The following TLDC2 variants were observed in gnomAD, a reference collection of about 807,000 sequenced individuals.
The protein encoded by TLDC2 is TLD domain-containing protein 2.
In TLDC2, 23 loss-of-function variants were observed where a neutral mutation model predicts 27.9. The ratio of observed to expected loss-of-function variants is 0.82; its 90% CI spans 0.59 to 1.17. TLDC2 has a LOEUF of 1.17. TLDC2 is among the 50% of genes most tolerant of loss of function. TLDC2 has a pLI of 0.00. For synonymous variants in TLDC2, 124 were observed against 107.4 expected (o/e 1.16, Z -0.96); for missense variants, 286 against 273.4 (o/e 1.05, Z -0.32).
chr20:36,887,021 C>A (rs1376277131), intron 4 of TLDC2, among the ~76,000 whole-genome samples: 1 of 151,978 alleles, frequency 6.6e-6, no homozygotes, highest in African/African-American at 2.4e-5. Flanking sequence ...ATAGAAATGG[C>A]GGCAGGCCCG....
chr20:36,881,157 T>C (rs1015018243), intron 4 of TLDC2, among the ~76,000 whole-genome samples: 21 of 151,998 alleles, frequency 1.4e-4, no homozygotes, highest in Admixed American at 1.3e-3. Context: ...CGAAGGTGGA[T>C]TGCTTGAGTC....
chr20:36,889,517 T>G, intron 6 of TLDC2, 114 bp downstream of exon 6: 1 of 1,324,650 alleles, frequency 7.5e-7, no homozygotes, highest in Non-Finnish European at 1.0e-6. Flanking sequence ...CTGGCCAGCC[T>G]CCTTGTGGCC....
rs1036856658 is a variant in TLDC2 at position 36,877,113 on chromosome 20, C to T, written c.34-786C>T. On this transcript the variant is annotated intron_variant, in intron 1 of 6. Coordinates refer to ENST00000217320, the MANE Select transcript of TLDC2 (RefSeq NM_080628.3). ...GAAGAAATACACAGAAGGCCAGGCG[C>T]GGTGGCTCACGCCTGTAATCCCAGC... Among the ~76,000 whole-genome samples the T allele has an allele frequency of 4.6e-5, 7 of 152,090 alleles. No individual in the cohort carries two copies. The South Asian group carries it at 1.5e-3, about 32-fold the overall frequency.
At chr20:36,880,608 G>A in intron 3 of TLDC2, 47 bp from the exon 4 acceptor site, 1 of 1,523,984 alleles carries the variant, frequency 6.6e-7, no homozygotes, top group Non-Finnish European at 9.1e-7. Context: ...GTTGCCAGAG[G>A]ACCCCTAGCT....
At position 36,889,448 on chromosome 20, in the gene TLDC2, C is replaced by T; in HGVS notation, c.*17+45C>T. 1.3e-6 allele frequency: 2 copies of T among 1,581,422 alleles called. 1 individual carries two copies. Among genetic ancestry groups the T allele is most frequent in the South Asian group, 2.3e-5 (2 of 87,536 alleles). On this transcript the variant is annotated intron_variant, in intron 6 of 6. Transcript: ENST00000217320. ...ATGCCACCCAGGCCTTCCTGACACA[C>T]AGCAGCCTGTGCTGTTTGAAACACA...
intron 4 of TLDC2, among the ~76,000 whole-genome samples, chr20:36,884,077 G>A (rs1027916381): frequency 1.7e-4 from 26 of 152,074 alleles, no homozygotes; most frequent in Non-Finnish European, 2.9e-4. Context: ...CAGGGTGACA[G>A]AGTGAGACTC....
chr20:36,878,006 C>G lies in TLDC2; in HGVS notation c.141C>G (p.Pro47=), dbSNP rs776865937. 6.2e-7 allele frequency: 1 copy of G among 1,614,074 alleles called. No homozygotes were observed. The highest frequency in any genetic ancestry group is 8.5e-7 in the Non-Finnish European group (1 of 1,179,986). The change falls in exon 2 of 7, where the codon CCC becomes CCG. Residue 47 remains proline (P), a synonymous_variant. Transcript: ENST00000217320. ...PAAAPEDPTV[P]QLTEASQVLS... ...CTGCTCCTGAGGATCCCACGGTGCC[C>G]CAGCTGACAGAAGCCAGCCAGGTTT...
intron 4 of TLDC2, among the ~76,000 whole-genome samples, chr20:36,887,160 T>C (rs1336569376): frequency 6.6e-6 from 1 of 152,160 alleles, no homozygotes; most frequent in Non-Finnish European, 1.5e-5. Flanking sequence ...TGGCCTGGAC[T>C]GCTCCCCTCC....
intron 1 of TLDC2, among the ~76,000 whole-genome samples, chr20:36,876,990 C>T (rs1252265513): frequency 1.3e-5 from 2 of 152,186 alleles, no homozygotes; most frequent in Non-Finnish European, 2.9e-5. Flanking sequence ...TTACATGAAC[C>T]TACATGTATG....
At chr20:36,878,553 C>T (rs1989727421) in intron 2 of TLDC2, among the ~76,000 whole-genome samples, 1 of 152,010 alleles carries the variant, frequency 6.6e-6, no homozygotes, top group Non-Finnish European at 1.5e-5. Flanking sequence ...TCTGCTCCAG[C>T]CTGGGTGACA....
chr20:36,877,489 A>C (rs1036794487), intron 1 of TLDC2, among the ~76,000 whole-genome samples: 15 of 152,070 alleles, frequency 9.9e-5, no homozygotes, highest in African/African-American at 3.4e-4. Context: ...TGTTGTTATT[A>C]TTTAATGTAC....
intron 5 of TLDC2, among the ~76,000 whole-genome samples, chr20:36,888,829 T>C (rs1461824632): frequency 6.6e-6 from 1 of 151,416 alleles, no homozygotes; most frequent in Non-Finnish European, 1.5e-5. Flanking sequence ...AAGACCAGCC[T>C]GGCCAACATA....
chr20:36,877,285 A>C (rs1322624484), intron 1 of TLDC2, among the ~76,000 whole-genome samples: 1 of 151,580 alleles, frequency 6.6e-6, no homozygotes, highest in Non-Finnish European at 1.5e-5. Context: ...GGAGGCTGAG[A>C]CAAGAGAATT....
chr20:36,883,057 G>A (rs1989848208), intron 4 of TLDC2, among the ~76,000 whole-genome samples: 1 of 151,910 alleles, frequency 6.6e-6, no homozygotes, highest in East Asian at 1.9e-4. Flanking sequence ...CCTGTATGCT[G>A]AGGGTCTCTT....
chr20:36,886,556 G>A (rs1298925375), intron 4 of TLDC2, among the ~76,000 whole-genome samples: 1 of 151,718 alleles, frequency 6.6e-6, no homozygotes. Context: ...TTGCGCCACT[G>A]CACTCCAGCC....
intron 5 of TLDC2, among the ~76,000 whole-genome samples, chr20:36,887,764 T>C (rs753385930): frequency 2.0e-5 from 3 of 152,192 alleles, no homozygotes; most frequent in Non-Finnish European, 4.4e-5. Context: ...GGTGACAGTT[T>C]AGTCTGAATG....
chr20:36,879,930 A>G (rs1192984934), intron 3 of TLDC2, among the ~76,000 whole-genome samples: 1 of 151,022 alleles, frequency 6.6e-6, no homozygotes, highest in Non-Finnish European at 1.5e-5. Flanking sequence ...AACTGATGTC[A>G]GAAGGAAACA....
chr20:36,876,447 T>G (rs1601092342), intron 1 of TLDC2, among the ~76,000 whole-genome samples: 1 of 151,976 alleles, frequency 6.6e-6, no homozygotes, highest in African/African-American at 2.4e-5. Flanking sequence ...CTCCCTGGAG[T>G]GGGTGCTGGA....
Position 36,880,058 on chromosome 20 carries a change from A to AAT in TLDC2, c.343-587_343-586dup, listed in dbSNP as rs1555828496. On this transcript the variant is annotated intron_variant, in intron 3 of 6. Transcript: ENST00000217320. ...CTTTTTTCTGTGATTACTTGTGTAG[A>AAT]ATATATATATACATATATATATATA... 2.8e-4 allele frequency among the ~76,000 whole-genome samples: 10 copies of AAT among 36,318 alleles called. No individual in the cohort carries two copies. In the East Asian group the frequency reaches 3.4e-3, roughly 12 times the overall value. The allele number at this position is 36,318 out of a possible 152,430, so 23.8% of individuals were successfully genotyped here.
Sources: gnomAD v4.1 joint callset for allele counts (sites outside exome capture counted in the v4.1 genomes callset) on GRCh38, gnomAD v4.1.1 for gene constraint, MANE v1.5 for transcripts, NCBI Gene and HGNC (gene_info 2026-07-23, HGNC 2026-07-21) for gene names.